Variants in CSGALNACT1 observed in about 807,000 individuals in gnomAD.
The protein encoded by CSGALNACT1 is beta4GalNAcT-1.
CSGALNACT1 carries 52 observed loss-of-function variants against 51.0 expected under a neutral mutation model. The ratio of observed to expected loss-of-function variants is 1.02; its 90% CI spans 0.82 to 1.29. CSGALNACT1 has a LOEUF of 1.29. Among genes scored for constraint, CSGALNACT1 ranks in the 50% most tolerant of loss-of-function variants. The pLI, the probability that CSGALNACT1 is intolerant of heterozygous loss-of-function variation, is 0.00. For synonymous variants in CSGALNACT1, 341 were observed against 254.4 expected, an observed-to-expected ratio of 1.34 and a Z score of -3.24; for missense variants, 935 against 679.2, an observed-to-expected ratio of 1.38 and a Z score of -4.19.
intron 1 of CSGALNACT1, chr8:19,678,543 G>C (rs904734616): frequency 6.6e-6 from 1 of 152,230 alleles, no homozygotes; most frequent in African/African-American, 2.4e-5. Context: ...GAATGTCCCT[G>C]TGTCCCCAGC....
intron 8 of CSGALNACT1, among the ~76,000 whole-genome samples, chr8:19,411,430 C>T (rs143902013): frequency 2.0e-5 from 3 of 152,304 alleles, no homozygotes; most frequent in Admixed American, 6.5e-5. Context: ...AGCAGGTACT[C>T]AGTAAATACT....
intron 6 of CSGALNACT1, among the ~76,000 whole-genome samples, chr8:19,437,119 A>T (rs933722687): frequency 1.3e-5 from 2 of 152,108 alleles, no homozygotes; most frequent in African/African-American, 4.8e-5. Flanking sequence ...AAATCATCAA[A>T]TCGCGCACCA....
At chr8:19,464,744 T>C (rs1222015720) in intron 4 of CSGALNACT1, among the ~76,000 whole-genome samples, 1 of 152,168 alleles carries the variant, frequency 6.6e-6, no homozygotes, top group Non-Finnish European at 1.5e-5. Flanking sequence ...CCTGATGATC[T>C]GAGATGTAAC....
At chr8:19,420,252 C>T in intron 7 of CSGALNACT1, 88 bp downstream of exon 6, 3 of 1,173,190 alleles carry the variant, frequency 2.6e-6, no homozygotes, top group Non-Finnish European at 2.6e-6. Context: ...AGAAGCAGGA[C>T]ATCAGAGTGA....
chr8:19,629,509 G>C (rs1041408817), intron 1 of CSGALNACT1, among the ~76,000 whole-genome samples: 2 of 152,228 alleles, frequency 1.3e-5, no homozygotes, highest in Non-Finnish European at 2.9e-5. Flanking sequence ...GCACTCAGCT[G>C]CCTGGTATTG....
chr8:19,532,682 G>A (rs1046152844), intron 3 of CSGALNACT1, among the ~76,000 whole-genome samples: 8 of 152,080 alleles, frequency 5.3e-5, no homozygotes, highest in Admixed American at 1.3e-4. Flanking sequence ...CCAGTCATAC[G>A]AGTACTCAGA....
intron 1 of CSGALNACT1, among the ~76,000 whole-genome samples, chr8:19,657,884 G>T (rs2058423943): frequency 6.6e-6 from 1 of 152,066 alleles, no homozygotes; most frequent in Non-Finnish European, 1.5e-5. Context: ...ACCCCCGATG[G>T]GGTTTCCAGG....
At chr8:19,446,503 T>G (rs576931842) in intron 5 of CSGALNACT1, among the ~76,000 whole-genome samples, 1 of 152,188 alleles carries the variant, frequency 6.6e-6, no homozygotes, top group South Asian at 2.1e-4. Context: ...GAAAATTCAT[T>G]CATTCATTCA....
chr8:19,564,422 C>A (rs1481148012), intron 3 of CSGALNACT1, among the ~76,000 whole-genome samples: 1 of 148,768 alleles, frequency 6.7e-6, no homozygotes, highest in African/African-American at 2.5e-5. Flanking sequence ...TTTTAAAGTT[C>A]CTGCAAGATA....
intron 3 of CSGALNACT1, among the ~76,000 whole-genome samples, chr8:19,582,048 C>T (rs2045696576): frequency 6.6e-6 from 1 of 152,192 alleles, no homozygotes; most frequent in Admixed American, 6.5e-5. Context: ...CCAAATGAGT[C>T]CTAGAACTGC....
intron 3 of CSGALNACT1, among the ~76,000 whole-genome samples, chr8:19,570,730 T>C (rs2042846002): frequency 6.6e-6 from 1 of 152,132 alleles, no homozygotes; most frequent in Admixed American, 6.5e-5. Context: ...TGAAACCCCA[T>C]GTCTACTAAA....
rs372471200 is a variant in CSGALNACT1 at position 19,723,128 on chromosome 8, G to C, written c.-297+34722C>G. Reference sequence around the variant, plus strand: ...AGATTACCCTCAAGCCTCTGTCCTGGGAAATCTTCACCTTATTTTGGGCTC... The same window carrying C: ...AGATTACCCTCAAGCCTCTGTCCTGCGAAATCTTCACCTTATTTTGGGCTC... On this transcript the variant is annotated intron_variant, in intron 1 of 1. Coordinates refer to the CSGALNACT1 transcript ENST00000517494. Among the ~76,000 whole-genome samples the C allele has an allele frequency of 2.6e-5, 4 of 152,244 alleles. No homozygotes were observed. The East Asian group carries it at 7.7e-4, about 29-fold the overall frequency.
intron 1 of CSGALNACT1, among the ~76,000 whole-genome samples, chr8:19,738,903 T>C (rs11204066): frequency 0.5 from 76,203 of 151,454 alleles, 19,329 homozygotes; most frequent in South Asian, 0.63. Flanking sequence ...AATGACAATA[T>C]GAGGAAGAGG....
intron 1 of CSGALNACT1, among the ~76,000 whole-genome samples, chr8:19,700,689 A>C (rs2061818791): frequency 6.6e-6 from 1 of 152,130 alleles, no homozygotes; most frequent in Non-Finnish European, 1.5e-5. Flanking sequence ...TCTTGAACAA[A>C]CTTCTTAAAG....
intron 3 of CSGALNACT1, among the ~76,000 whole-genome samples, chr8:19,560,006 A>G (rs2040348739): frequency 6.6e-6 from 1 of 152,240 alleles, no homozygotes; most frequent in South Asian, 2.1e-4. Flanking sequence ...AGACGCAGTA[A>G]TTAAACCAGT....
intron 3 of CSGALNACT1, among the ~76,000 whole-genome samples, chr8:19,549,416 C>A (rs2087346453): frequency 6.6e-6 from 1 of 152,064 alleles, no homozygotes; most frequent in Admixed American, 6.5e-5. Context: ...CTCTATGTAT[C>A]TAACATTAAT....
At chr8:19,416,440 G>C (rs893495052) in intron 8 of CSGALNACT1, among the ~76,000 whole-genome samples, 2 of 152,082 alleles carry the variant, frequency 1.3e-5, no homozygotes, top group African/African-American at 4.8e-5. Flanking sequence ...AATAAGTTTA[G>C]TGTCACCTAA....
At chr8:19,430,825 C>A (rs1263570615) in intron 6 of CSGALNACT1, among the ~76,000 whole-genome samples, 1 of 152,208 alleles carries the variant, frequency 6.6e-6, no homozygotes, top group East Asian at 1.9e-4. Flanking sequence ...CATGGGATGT[C>A]TTTCCATTTA....
chr8:19,716,686 G>A (rs914112228), intron 1 of CSGALNACT1, among the ~76,000 whole-genome samples: 1 of 148,440 alleles, frequency 6.7e-6, no homozygotes, highest in Non-Finnish European at 1.5e-5. Context: ...CAGCTACTCA[G>A]GAGACTGAGG....
Sources: allele counts gnomAD v4.1 joint callset (sites outside exome capture counted in the v4.1 genomes callset), GRCh38; gene constraint gnomAD v4.1.1; transcripts MANE v1.5; gene names NCBI Gene and HGNC (gene_info 2026-07-23, HGNC 2026-07-21).